KLHL1: variants seen among roughly 807,000 people sequenced by gnomAD.
KLHL1 encodes kelch like family member 1.
In KLHL1, 47 loss-of-function variants were observed where a neutral mutation model predicts 77.7. The ratio of observed to expected loss-of-function variants is 0.60; its 90% CI spans 0.48 to 0.77. KLHL1 has a LOEUF of 0.77. Among genes scored for constraint, KLHL1 ranks in the 30% least tolerant of loss-of-function variants. The pLI is 0.00. For missense variants in KLHL1, 925 were observed against 910.8 expected (o/e 1.02, Z -0.20); for synonymous variants, 360 against 325.2 (o/e 1.11, Z -1.15).
chr13:69,734,393 C>T (rs936615389), intron 8 of KLHL1, among the ~76,000 whole-genome samples: 2 of 151,932 alleles, frequency 1.3e-5, no homozygotes, highest in Non-Finnish European at 2.9e-5. Context: ...TTCCCAGTTT[C>T]GGGTATTTCT....
chr13:69,941,472 C>T (rs188181289), intron 3 of KLHL1, among the ~76,000 whole-genome samples: 5 of 151,786 alleles, frequency 3.3e-5, no homozygotes, highest in South Asian at 2.1e-4. Context: ...AAGTTTATAG[C>T]GATAAATGCC....
intron 4 of KLHL1, among the ~76,000 whole-genome samples, chr13:69,916,603 A>T (rs145460992): frequency 6.6e-6 from 1 of 151,792 alleles, no homozygotes; most frequent in African/African-American, 2.4e-5. Flanking sequence ...AGTGGGGGGA[A>T]GGGGGAGGGA....
intron 1 of KLHL1, among the ~76,000 whole-genome samples, chr13:70,001,312 G>A (rs1005868811): frequency 6.6e-6 from 1 of 150,814 alleles, no homozygotes; most frequent in African/African-American, 2.4e-5. Context: ...TACGAATTCT[G>A]CAAACATTTA....
intron 1 of KLHL1, among the ~76,000 whole-genome samples, chr13:69,991,657 T>C (rs2137313573): frequency 6.7e-6 from 1 of 149,424 alleles, no homozygotes; most frequent in South Asian, 2.1e-4. Flanking sequence ...ATGGAATCAG[T>C]AATAAATAGC....
At chr13:70,049,525 G>C (rs1886581069) in intron 1 of KLHL1, among the ~76,000 whole-genome samples, 1 of 152,016 alleles carries the variant, frequency 6.6e-6, no homozygotes, top group Non-Finnish European at 1.5e-5. Context: ...CCCATCATCT[G>C]GTGAAGGGTA....
chr13:70,005,860 T>C (rs1593667838), intron 1 of KLHL1, among the ~76,000 whole-genome samples: 1 of 152,018 alleles, frequency 6.6e-6, no homozygotes, highest in Non-Finnish European at 1.5e-5. Flanking sequence ...ATCACTGTTG[T>C]AAGAACTCTT....
chr13:69,870,513 C>A (rs1421217416), intron 5 of KLHL1, among the ~76,000 whole-genome samples: 1 of 151,906 alleles, frequency 6.6e-6, no homozygotes, highest in Admixed American at 6.6e-5. Flanking sequence ...TTTTCACATA[C>A]AAAATATCAT....
chr13:70,065,635 T>G (rs1372232), intron 1 of KLHL1, among the ~76,000 whole-genome samples: 1 of 152,200 alleles, frequency 6.6e-6, no homozygotes, highest in Non-Finnish European at 1.5e-5. Context: ...AATTTTAGGG[T>G]ACAAAAGATT....
chr13:69,983,576 C>CAAAAAAAAAAAAAAAAAAAAAAA (rs1282357751), intron 1 of KLHL1, among the ~76,000 whole-genome samples: 2 of 40,778 alleles, frequency 4.9e-5, no homozygotes, highest in African/African-American at 1.1e-4. Flanking sequence ...CCTATCTTTA[C>CAAAAAAAAAAAAAAAAAAAAAAA]AAAAAAAAAA....
chr13:69,710,814 G>T (rs1366047786), intron 9 of KLHL1, among the ~76,000 whole-genome samples: 2 of 151,830 alleles, frequency 1.3e-5, no homozygotes, highest in Non-Finnish European at 2.9e-5. Context: ...TTGTTTGTTT[G>T]TTTGTTTTTT....
In KLHL1 at chr13:69,701,770, A is replaced by T. The variant is rs1875407289; in HGVS notation, c.2188-9T>A. 5 of 1,600,126 alleles carry T rather than the reference A, an allele frequency of 3.1e-6. No homozygotes were observed. Among genetic ancestry groups the T allele is most frequent in the Non-Finnish European group, 4.3e-6 (5 of 1,171,424 alleles). ...ATATTCAAGGAAGCCATCTGTTAAA[A>T]AAGATGAAACACAACTTAAGACAAG... On this transcript the variant is annotated splice_polypyrimidine_tract_variant and intron_variant, in intron 10 of 10. Coordinates refer to ENST00000377844, the MANE Select transcript of KLHL1 (RefSeq NM_020866.3).
chr13:69,894,718 G>C (rs1205334569), intron 4 of KLHL1: 2 of 175,036 alleles, frequency 1.1e-5, no homozygotes, highest in East Asian at 1.7e-4. Context: ...GTGGACCATA[G>C]AGAATGATCT....
chr13:69,969,723 C>T (rs1186505175), intron 2 of KLHL1, among the ~76,000 whole-genome samples: 1 of 151,688 alleles, frequency 6.6e-6, no homozygotes, highest in Non-Finnish European at 1.5e-5. Flanking sequence ...AAAGTTTATA[C>T]TGCATTTAGA....
At chr13:70,019,134 C>T (rs757286495) in intron 1 of KLHL1, among the ~76,000 whole-genome samples, 5 of 129,136 alleles carry the variant, frequency 3.9e-5, no homozygotes, top group Non-Finnish European at 8.6e-5. Context: ...GGCTCTTAAA[C>T]CGTAAATTGC....
At chr13:70,024,118 G>T (rs537849958) in intron 1 of KLHL1, among the ~76,000 whole-genome samples, 3 of 151,730 alleles carry the variant, frequency 2.0e-5, no homozygotes, top group Non-Finnish European at 4.4e-5. Context: ...ATTCAGGATG[G>T]TATGGCGTAG....
chr13:69,813,906 C>T (rs759218984), intron 6 of KLHL1, among the ~76,000 whole-genome samples: 16 of 152,140 alleles, frequency 1.1e-4, no homozygotes, highest in Non-Finnish European at 2.4e-4. Context: ...TTCTAAAATT[C>T]ATATGGAACC....
At chr13:70,065,559 T>C (rs1886987958) in intron 1 of KLHL1, among the ~76,000 whole-genome samples, 1 of 152,196 alleles carries the variant, frequency 6.6e-6, no homozygotes, top group Non-Finnish European at 1.5e-5. Flanking sequence ...CATCTTTTAT[T>C]AACACTGGAA....
At chr13:69,956,032 ATATT>A in intron 3 of KLHL1, among the ~76,000 whole-genome samples, 1 of 137,046 alleles carries the variant, frequency 7.3e-6, no homozygotes, top group South Asian at 2.1e-4. Flanking sequence ...ATATTTATAT[ATATT>A]TATATATATT....
At chr13:70,066,763 T>A (rs1887016432) in intron 1 of KLHL1, among the ~76,000 whole-genome samples, 1 of 152,238 alleles carries the variant, frequency 6.6e-6, no homozygotes, top group South Asian at 2.1e-4. Flanking sequence ...CATCACAGCC[T>A]ATGCTAAGCT....
Sources: gnomAD v4.1 joint callset for allele counts (sites outside exome capture counted in the v4.1 genomes callset) on GRCh38, gnomAD v4.1.1 for gene constraint, MANE v1.5 for transcripts, NCBI Gene and HGNC (gene_info 2026-07-23, HGNC 2026-07-21) for gene names.